CLEC6A: variants seen among roughly 807,000 people sequenced by gnomAD.
CLEC6A encodes the protein C-type lectin domain family 6 member A.
A neutral mutation model predicts 25.7 loss-of-function variants in CLEC6A; 22 were observed. The ratio of observed to expected loss-of-function variants is 0.85; its 90% CI spans 0.61 to 1.22. CLEC6A has a LOEUF of 1.22. CLEC6A is among the 50% of genes most tolerant of loss of function. CLEC6A has a pLI of 0.00. For missense variants in CLEC6A, 240 were observed against 236.8 expected (o/e 1.01, Z -0.09); for synonymous variants, 92 against 76.7 (o/e 1.20, Z -1.04).
intron 4 of CLEC6A, among the ~76,000 whole-genome samples, chr12:8,470,762 G>C (rs1939894796): frequency 6.6e-6 from 1 of 152,088 alleles, no homozygotes; most frequent in African/African-American, 2.4e-5. Context: ...TGTGAGAAAT[G>C]GGTGAGGGAT....
At chr12:8,462,592 C>A (rs775625856) in intron 3 of CLEC6A, among the ~76,000 whole-genome samples, 117 of 142,520 alleles carry the variant, frequency 8.2e-4, no homozygotes, top group East Asian at 7.1e-3. Context: ...ATATCTAAAG[C>A]ACAGCACTTA....
intron 4 of CLEC6A, 25 bp downstream of exon 4, chr12:8,465,654 T>G: frequency 3.1e-6 from 5 of 1,595,104 alleles, no homozygotes; most frequent in Middle Eastern, 1.7e-4. Context: ...TAAAATTTAT[T>G]TAATTGTAGA....
chr12:8,465,363 A>G (rs1939815824), intron 3 of CLEC6A, 121 bp from the exon 4 acceptor site: 3 of 929,050 alleles, frequency 3.2e-6, no homozygotes, highest in South Asian at 4.0e-5. Flanking sequence ...CCCAAATTCT[A>G]TAATTCAGGA....
Position 8,457,906 on chromosome 12 carries a change from G to A in CLEC6A, c.40G>A (p.Gly14Ser), listed in dbSNP as rs752424171. 6.2e-7 allele frequency: 1 copy of A among 1,613,644 alleles called. No individual in the cohort carries two copies. Among genetic ancestry groups the A allele is most frequent in the Admixed American group, 1.7e-5 (1 of 60,004 alleles). Residue 14 changes from glycine to serine, a missense_variant, in exon 2 of 6, where the codon GGC becomes AGC. Transcript: ENST00000382073. ...TCTTCCTGATTGGACAGAGAAAAGA[G>A]GCTGGTTGTCCCTGAGACTCTGGTC... ...EQQPQSTEKRGWLSLRLWSVA... is the reference protein window; with the variant it reads ...EQQPQSTEKRSWLSLRLWSVA...
intron 3 of CLEC6A, 139 bp from the exon 4 acceptor site, chr12:8,465,345 T>C: frequency 1.3e-6 from 1 of 768,100 alleles, no homozygotes; most frequent in Non-Finnish European, 2.0e-6. Context: ...TGAAATCAAT[T>C]CTAGGAACCC....
intron 2 of CLEC6A, among the ~76,000 whole-genome samples, chr12:8,459,336 G>T (rs1939720701): frequency 6.6e-6 from 1 of 152,102 alleles, no homozygotes; most frequent in South Asian, 2.1e-4. Context: ...ATTAATTGTT[G>T]TGGGAAACAG....
rs748846016 is a variant in CLEC6A, at chr12:8,470,147, A to G, written c.369+4518A>G. Among the ~76,000 whole-genome samples, 5 of 152,320 alleles carry G rather than the reference A, an allele frequency of 3.3e-5. No homozygotes were observed. In the East Asian group the frequency reaches 9.6e-4, roughly 29 times the overall value. On this transcript the variant is annotated intron_variant, in intron 4 of 5. Coordinates refer to ENST00000382073, the MANE Select transcript of CLEC6A (RefSeq NM_001007033.2). ...AGGACATGAATAGACAATTCTCTAAAGAAGATATACAAATGACCAACAAAC... is the reference window on the plus strand; with the variant it reads ...AGGACATGAATAGACAATTCTCTAAGGAAGATATACAAATGACCAACAAAC...
At chr12:8,467,294 A>G (rs987592617) in intron 4 of CLEC6A, among the ~76,000 whole-genome samples, 3 of 152,018 alleles carry the variant, frequency 2.0e-5, no homozygotes, top group Admixed American at 6.5e-5. Context: ...CTTTTTGCTT[A>G]TGTTTTCTTC....
chr12:8,477,314 C>A lies in CLEC6A; in HGVS notation c.486-6C>A. ...AGATGTGTACTACCTTTTTGTTTTC[C>A]TTTAGATTTTGGCACCTAGGTGAGC... On this transcript the variant is annotated splice_region_variant and splice_polypyrimidine_tract_variant and intron_variant, in intron 5 of 5. Transcript: ENST00000382073. 6.3e-7 allele frequency: 1 copy of A among 1,598,616 alleles called. No homozygotes were observed.
chr12:8,461,329 G>T, intron 3 of CLEC6A: 1 of 497,804 alleles, frequency 2.0e-6, no homozygotes, highest in South Asian at 2.4e-5. Flanking sequence ...GAAGTAAAGT[G>T]CATAGTTTTC....
At chr12:8,467,855 T>G (rs193153723) in intron 4 of CLEC6A, among the ~76,000 whole-genome samples, 31 of 152,360 alleles carry the variant, frequency 2.0e-4, no homozygotes, top group Admixed American at 1.8e-3. Context: ...TATCAATGTT[T>G]TGTAGTTTTT....
intron 1 of CLEC6A, 21 bp from the exon 2 acceptor site, chr12:8,457,877 G>T (rs888181823): frequency 1.2e-6 from 2 of 1,601,708 alleles, no homozygotes; most frequent in Admixed American, 1.7e-5. Context: ...AACTGCATTT[G>T]TTGTCTTCCT....
intron 4 of CLEC6A, among the ~76,000 whole-genome samples, chr12:8,467,388 A>G (rs1939847024): frequency 1.3e-5 from 2 of 152,228 alleles, no homozygotes; most frequent in South Asian, 4.1e-4. Context: ...GTAAGGATTC[A>G]ACTTGATTAT....
intron 4 of CLEC6A, among the ~76,000 whole-genome samples, chr12:8,475,160 A>G (rs10841718): frequency 0.98 from 148,997 of 152,154 alleles, 73,034 homozygotes; most frequent in Middle Eastern, 1. Context: ...GTGATAGTTT[A>G]CTGAGAATGA....
intron 4 of CLEC6A, among the ~76,000 whole-genome samples, chr12:8,474,990 C>T (rs750923495): frequency 2.0e-5 from 3 of 152,020 alleles, no homozygotes; most frequent in Non-Finnish European, 4.4e-5. Context: ...CCCATTAACT[C>T]ATCATTTATA....
At chr12:8,469,239 A>G (rs1939874021) in intron 4 of CLEC6A, among the ~76,000 whole-genome samples, 2 of 152,166 alleles carry the variant, frequency 1.3e-5, no homozygotes, top group African/African-American at 4.8e-5. Flanking sequence ...GAGGTGAAAG[A>G]CCTCTCTAAG....
At chr12:8,470,898 T>TA (rs899303670) in intron 4 of CLEC6A, among the ~76,000 whole-genome samples, 43 of 152,022 alleles carry the variant, frequency 2.8e-4, no homozygotes, top group African/African-American at 7.0e-4. Flanking sequence ...CATATTGAAA[T>TA]AAAAAAAATT....
At chr12:8,460,755 TA>T in intron 3 of CLEC6A, 1 of 1,434,880 alleles carries the variant, frequency 7.0e-7, no homozygotes, top group Non-Finnish European at 9.8e-7. Context: ...CCTGGCCTGA[TA>T]AAGCGGGCCG....
chr12:8,468,145 G>T (rs1939860654), intron 4 of CLEC6A, among the ~76,000 whole-genome samples: 1 of 152,082 alleles, frequency 6.6e-6, no homozygotes, highest in African/African-American at 2.4e-5. Context: ...GTTTCACCAT[G>T]TTGGCCAGGC....
Sources: gnomAD v4.1 joint callset for allele counts (sites outside exome capture counted in the v4.1 genomes callset) on GRCh38, gnomAD v4.1.1 for gene constraint, MANE v1.5 for transcripts, NCBI Gene and HGNC (gene_info 2026-07-23, HGNC 2026-07-21) for gene names.